Variants in RGS21 observed in about 807,000 individuals in gnomAD.
The protein encoded by RGS21 is regulator of G protein signaling 21, also known as regulator of G-protein signalling 21.
In RGS21, 19 loss-of-function variants were observed where a neutral mutation model predicts 18.7. The observed-to-expected ratio is 1.01, with a 90% confidence interval of 0.71 to 1.49. RGS21 has a LOEUF of 1.49. RGS21 is among the 40% of genes most tolerant of loss of function. RGS21 has a pLI of 0.00. For synonymous variants in RGS21, 56 were observed against 57.8 expected (o/e 0.97, Z 0.14); for missense variants, 194 against 176.8 (o/e 1.10, Z -0.55).
At chr1:192,365,005 G>A (rs1659234768) in intron 4 of RGS21, among the ~76,000 whole-genome samples, 1 of 151,794 alleles carries the variant, frequency 6.6e-6, no homozygotes, top group South Asian at 2.1e-4. Flanking sequence ...GCATGGTGGA[G>A]CACACCTGTA....
rs766991505 is a variant in RGS21, at chr1:192,352,129, T to A, written c.171T>A (p.Phe57Leu). Residue 57 changes from phenylalanine to leucine, a missense_variant, in exon 4 of 5, where the codon TTT (phenylalanine) becomes TTA (leucine). Coordinates refer to ENST00000417209, the MANE Select transcript of RGS21 (RefSeq NM_001039152.3). ...AGTTCTGGCTTGCCTGTGAAGACTT[T>A]AAGAAAACGAAAAATGCAGACAAAA... ...NVEFWLACED[F>L]KKTKNADKIA... 4 of 1,611,208 alleles carry A rather than the reference T, an allele frequency of 2.5e-6. No homozygotes were observed. The highest frequency in any genetic ancestry group is 3.4e-6 in the Non-Finnish European group (4 of 1,178,636).
At chr1:192,327,156 T>C (rs1270992277) in intron 1 of RGS21, among the ~76,000 whole-genome samples, 1 of 152,042 alleles carries the variant, frequency 6.6e-6, no homozygotes, top group Non-Finnish European at 1.5e-5. Context: ...TAAGAAGCTA[T>C]ACAAGTCACC....
chr1:192,328,634 G>T (rs995946558), intron 1 of RGS21, among the ~76,000 whole-genome samples: 11 of 152,248 alleles, frequency 7.2e-5, no homozygotes, highest in Admixed American at 7.2e-4. Flanking sequence ...GGTAAAGTGT[G>T]TCTAATGGGA....
intron 4 of RGS21, among the ~76,000 whole-genome samples, chr1:192,355,009 A>T (rs1016539108): frequency 6.6e-5 from 10 of 151,628 alleles, no homozygotes; most frequent in Non-Finnish European, 1.2e-4. Flanking sequence ...TCTATGAGAG[A>T]TGATAATTTC....
chr1:192,354,012 A>G (rs1216917956), intron 4 of RGS21, among the ~76,000 whole-genome samples: 3 of 151,294 alleles, frequency 2.0e-5, no homozygotes, highest in Non-Finnish European at 4.4e-5. Flanking sequence ...GTTTCCTATC[A>G]TTTTCTATTA....
At chr1:192,357,090 G>T (rs1659122105) in intron 4 of RGS21, among the ~76,000 whole-genome samples, 1 of 151,786 alleles carries the variant, frequency 6.6e-6, no homozygotes, top group Non-Finnish European at 1.5e-5. Flanking sequence ...GAAATATAAG[G>T]TGAGATGGTA....
Position 192,343,187 on chromosome 1 carries a change from T to C in RGS21, c.11+140T>C, listed in dbSNP as rs1350783040. ...TGTCTTCCTGATTTTTTCTCCTTTCTCTACTGATTTCTTCTTTTTGAAAAC... is the reference window on the plus strand; with the variant it reads ...TGTCTTCCTGATTTTTTCTCCTTTCCCTACTGATTTCTTCTTTTTGAAAAC... On this transcript the variant is annotated intron_variant, in intron 2 of 4. Transcript: ENST00000417209. 5 of 836,860 alleles carry C rather than the reference T, an allele frequency of 6.0e-6. No homozygotes were observed. The East Asian group carries it at 1.3e-4, about 22-fold the overall frequency. The allele number at this position is 836,860 out of a possible 1,614,324, so 51.8% of individuals were successfully genotyped here.
chr1:192,360,539 G>A (rs1382000882), intron 4 of RGS21, among the ~76,000 whole-genome samples: 2 of 151,938 alleles, frequency 1.3e-5, no homozygotes, highest in East Asian at 1.9e-4. Context: ...TCCTGGTGTG[G>A]TATCCTAATT....
Position 192,365,980 on chromosome 1 carries a change from CA to C in RGS21, c.318del (p.Lys106AsnfsTer9), listed in dbSNP as rs779810350. On this transcript the variant is annotated frameshift_variant, in exon 5 of 5. Coordinates refer to ENST00000417209, the MANE Select transcript of RGS21 (RefSeq NM_001039152.3). LOFTEE classifies it high-confidence loss of function. ...CAAAGAATATTGCTGAACCAACACT[CA>C]AATGCTTTGATGAGGCTCAGAAATT... ...ISKNIAEPTL[K>X]CFDEAQKLIY... The C allele has an allele frequency of 8.1e-6, 13 of 1,610,272 alleles. No homozygotes were observed. The highest frequency in any genetic ancestry group is 1.3e-5 in the African/African-American group (1 of 74,778).
In RGS21 at chr1:192,328,572, A is replaced by G. The variant is rs116671533; in HGVS notation, c.-61+11467A>G. On this transcript the variant is annotated intron_variant, in intron 1 of 4. Transcript: ENST00000417209. Reference sequence around the variant, plus strand: ...GGCAAAGACTTTTATTTTTAATGATAAAAACTCATTGTTGAAAAAGTTTAG... The same window carrying G: ...GGCAAAGACTTTTATTTTTAATGATGAAAACTCATTGTTGAAAAAGTTTAG... Among the ~76,000 whole-genome samples the G allele has an allele frequency of 5.1e-3, 781 of 152,296 alleles. 7 individuals carry two copies. The highest frequency in any genetic ancestry group is 0.018 in the African/African-American group (756 of 41,574).
rs1202366412 is a variant in RGS21, at chr1:192,359,653, G to GTATATATATATA, written c.256-6267_256-6266insATATATATATAT. Among the ~76,000 whole-genome samples, 435 of 104,430 alleles carry GTATATATATATA rather than the reference G, an allele frequency of 4.2e-3. 2 individuals carry two copies. The highest frequency in any genetic ancestry group is 0.01 in the African/African-American group (235 of 22,806). 68.5% of individuals were successfully genotyped at this position (104,430 alleles called of 152,430 possible). ...TATATATATGTTTATATGTGTGTGT[G>GTATATATATATA]TGTATATATATATATATATATATAT... is the stretch of plus-strand genomic sequence containing the variant. On this transcript the variant is annotated intron_variant, in intron 4 of 4. Transcript: ENST00000417209.
At chr1:192,351,686 A>G (rs56154377) in intron 3 of RGS21, among the ~76,000 whole-genome samples, 23,520 of 146,864 alleles carry the variant, frequency 0.16, 2,431 homozygotes, top group South Asian at 0.3. Context: ...CATATAATAT[A>G]TATGCTATAT....
intron 1 of RGS21, among the ~76,000 whole-genome samples, chr1:192,333,267 A>AAAACACACACAC (rs1658686926): frequency 1.0e-5 from 1 of 96,024 alleles, no homozygotes. Flanking sequence ...CAGTTTCTTA[A>AAAACACACACAC]ATACACACAC....
chr1:192,332,326 T>C (rs557146899), intron 1 of RGS21, among the ~76,000 whole-genome samples: 1 of 152,214 alleles, frequency 6.6e-6, no homozygotes, highest in East Asian at 1.9e-4. Context: ...AAAAAGACAA[T>C]GGAGCAATAC....
chr1:192,346,965 G>T (rs535116216), intron 2 of RGS21, among the ~76,000 whole-genome samples: 3 of 152,000 alleles, frequency 2.0e-5, no homozygotes, highest in Non-Finnish European at 4.4e-5. Context: ...TAACTTTTTG[G>T]CTAGAGTAAT....
At chr1:192,362,096 A>G (rs4636436) in intron 4 of RGS21, among the ~76,000 whole-genome samples, 5,849 of 152,240 alleles carry the variant, frequency 0.038, 387 homozygotes, top group African/African-American at 0.13. Flanking sequence ...ATGCATATCA[A>G]TAGGAAAAAG....
Position 192,366,422 on chromosome 1 carries a change from A to G in RGS21, c.*298A>G. 5.3e-6 allele frequency: 1 copy of G among 189,570 alleles called. No homozygotes were observed. Among genetic ancestry groups the G allele is most frequent in the Non-Finnish European group, 1.1e-5 (1 of 92,754 alleles). 11.7% of individuals were successfully genotyped at this position (189,570 alleles called of 1,614,324 possible). ...TATTATAATGTAAGGAATTATACATATCTTCACGTGGCAGAATGAAAGACT... is the reference window on the plus strand; with the variant it reads ...TATTATAATGTAAGGAATTATACATGTCTTCACGTGGCAGAATGAAAGACT... On this transcript the variant is annotated 3_prime_UTR_variant, in exon 5 of 5. Coordinates refer to ENST00000417209, the MANE Select transcript of RGS21 (RefSeq NM_001039152.3).
intron 4 of RGS21, among the ~76,000 whole-genome samples, chr1:192,353,060 T>C (rs2102234853): frequency 6.6e-6 from 1 of 152,128 alleles, no homozygotes; most frequent in South Asian, 2.1e-4. Flanking sequence ...ACCAATCATC[T>C]TTCATACAGA....
At chr1:192,358,208 A>G (rs1360766718) in intron 4 of RGS21, among the ~76,000 whole-genome samples, 2 of 152,018 alleles carry the variant, frequency 1.3e-5, no homozygotes, top group African/African-American at 4.8e-5. Flanking sequence ...TACTTGTCTA[A>G]TTAATCAGGA....
Sources: gnomAD v4.1 joint callset for allele counts (sites outside exome capture counted in the v4.1 genomes callset) on GRCh38, gnomAD v4.1.1 for gene constraint, MANE v1.5 for transcripts, NCBI Gene and HGNC (gene_info 2026-07-23, HGNC 2026-07-21) for gene names.